The following DMD variants were observed in gnomAD, a reference collection of about 807,000 sequenced individuals.
DMD encodes dystrophin.
DMD carries 63 observed loss-of-function variants against 330.1 expected under a neutral mutation model. That is an observed-to-expected ratio of 0.19 (90% confidence interval 0.16 to 0.24). DMD has a LOEUF of 0.24. DMD is among the 10% of genes least tolerant of loss of function. The pLI is 1.00. For synonymous variants in DMD, 1,223 were observed against 959.8 expected, an observed-to-expected ratio of 1.27 and a Z score of -5.07; for missense variants, 3,344 against 2,684.1, an observed-to-expected ratio of 1.25 and a Z score of -5.43.
At chrX:32,558,927 C>T (rs1259526703) in intron 16 of DMD, among the ~76,000 whole-genome samples, 1 of 84,499 alleles carries the variant, frequency 1.2e-5, no homozygotes, top group Non-Finnish European at 2.1e-5. Flanking sequence ...TGAGATGTAA[C>T]TTCAAATTTT....
chrX:32,881,284 TAAATCTAACATTCC>T (rs1174887098), intron 2 of DMD, among the ~76,000 whole-genome samples: 1 of 112,768 alleles, frequency 8.9e-6, no homozygotes, highest in African/African-American at 3.2e-5. Flanking sequence ...CAGAATATTT[TAAATCTAACATTCC>T]AAATAGTTCT....
At chrX:31,419,923 C>T (rs779452584) in intron 60 of DMD, among the ~76,000 whole-genome samples, 2 of 111,656 alleles carry the variant, frequency 1.8e-5, no homozygotes, top group South Asian at 3.7e-4. Flanking sequence ...ATTAATAGTT[C>T]TACCTTTTCT....
At chrX:33,180,083 A>G (rs140980346) in intron 1 of DMD, among the ~76,000 whole-genome samples, 4,610 of 111,091 alleles carry the variant, frequency 0.041, 257 homozygotes, top group African/African-American at 0.14. Flanking sequence ...TGATCTGCCC[A>G]CCTTGGCCTC....
At chrX:31,499,937 A>G (rs993564336) in intron 56 of DMD, among the ~76,000 whole-genome samples, 5 of 112,297 alleles carry the variant, frequency 4.5e-5, no homozygotes, top group Non-Finnish European at 9.4e-5. Context: ...AAGCTCTCAC[A>G]TATCTGGGTA....
chrX:32,715,317 A>G (rs2065586508), intron 7 of DMD, among the ~76,000 whole-genome samples: 1 of 109,160 alleles, frequency 9.2e-6, no homozygotes, highest in Admixed American at 9.9e-5. Context: ...TCACTACTAA[A>G]AATTCAAAAA....
intron 60 of DMD, among the ~76,000 whole-genome samples, chrX:31,375,166 A>G (rs2059825002): frequency 8.9e-6 from 1 of 112,004 alleles, no homozygotes; most frequent in Non-Finnish European, 1.9e-5. Context: ...ACTTTTCACA[A>G]AACATTTTTG....
At chrX:32,006,919 A>G (rs897227930) in intron 44 of DMD, among the ~76,000 whole-genome samples, 2 of 108,764 alleles carry the variant, frequency 1.8e-5, no homozygotes, top group Admixed American at 9.9e-5. Flanking sequence ...TTCTTTGTAG[A>G]GACATGGATG....
intron 59 of DMD, among the ~76,000 whole-genome samples, chrX:31,458,827 ACCCTAG>A (rs1179077868): frequency 1.8e-5 from 2 of 110,599 alleles, no homozygotes; most frequent in Non-Finnish European, 3.8e-5. Flanking sequence ...TCAACCCCAA[ACCCTAG>A]GCAGTTTTAT....
intron 30 of DMD, among the ~76,000 whole-genome samples, chrX:32,401,334 TA>T (rs60364627): frequency 9.1e-6 from 1 of 109,370 alleles, no homozygotes; most frequent in Non-Finnish European, 1.9e-5. Context: ...AGTATAATAA[TA>T]AAAAAAAGAA....
intron 60 of DMD, among the ~76,000 whole-genome samples, chrX:31,387,175 T>C: frequency 9.0e-6 from 1 of 111,640 alleles, no homozygotes; most frequent in Middle Eastern, 4.6e-3. Flanking sequence ...AAAATGGTCA[T>C]TGTTCCATCA....
At chrX:32,662,301 C>T (rs762022408) in intron 9 of DMD, among the ~76,000 whole-genome samples, 15 of 111,379 alleles carry the variant, frequency 1.3e-4, no homozygotes, top group African/African-American at 4.5e-4. Context: ...CTTCAAAAAC[C>T]TTAACATAAA....
chrX:32,342,865 C>G (rs1657846097), intron 40 of DMD: 1 of 407,895 alleles, frequency 2.5e-6, no homozygotes. Context: ...AACAAAGATA[C>G]ACAAAGTCAA....
intron 54 of DMD, among the ~76,000 whole-genome samples, chrX:31,657,327 G>C (rs2080842926): frequency 8.9e-6 from 1 of 111,857 alleles, no homozygotes; most frequent in East Asian, 2.8e-4. Flanking sequence ...TGCCCTCATG[G>C]CATTTAGATT....
intron 43 of DMD, among the ~76,000 whole-genome samples, chrX:32,267,069 C>T (rs2097347568): frequency 8.9e-6 from 1 of 112,262 alleles, no homozygotes; most frequent in Non-Finnish European, 1.9e-5. Flanking sequence ...CCTAATGCCC[C>T]AGATTTGCCA....
At chrX:33,233,412 T>C (rs746071133) in intron 1 of DMD, among the ~76,000 whole-genome samples, 102 of 111,703 alleles carry the variant, frequency 9.1e-4, no homozygotes, top group African/African-American at 3.1e-3. Flanking sequence ...CAGTGAATGG[T>C]GAAACTGTAG....
chrX:32,853,779 A>AAAC (rs1557088007), intron 2 of DMD, among the ~76,000 whole-genome samples: 1 of 107,418 alleles, frequency 9.3e-6, no homozygotes, highest in African/African-American at 3.4e-5. Flanking sequence ...GAAAAAAAAA[A>AAAC]AAAAAAACAA....
chrX:32,000,425 G>A (rs1336689166), intron 44 of DMD, among the ~76,000 whole-genome samples: 1 of 111,643 alleles, frequency 9.0e-6, no homozygotes, highest in Non-Finnish European at 1.9e-5. Flanking sequence ...GATTTATTAG[G>A]TCCCATCGAA....
chrX:31,761,901 C>G (rs1303704471), intron 51 of DMD, among the ~76,000 whole-genome samples: 1 of 112,164 alleles, frequency 8.9e-6, no homozygotes, highest in Non-Finnish European at 1.9e-5. Flanking sequence ...GCTAGCATAG[C>G]CAGCTGCCTA....
At chrX:31,579,504 T>C (rs2076250380) in intron 55 of DMD, among the ~76,000 whole-genome samples, 1 of 112,336 alleles carries the variant, frequency 8.9e-6, no homozygotes, top group East Asian at 2.8e-4. Context: ...TCCCAAAATG[T>C]GGTTTGCTGA....
Sources: gnomAD v4.1 joint callset for allele counts (sites outside exome capture counted in the v4.1 genomes callset) on GRCh38, gnomAD v4.1.1 for gene constraint, MANE v1.5 for transcripts, NCBI Gene and HGNC (gene_info 2026-07-23, HGNC 2026-07-21) for gene names.